SORCS3: variants seen among roughly 807,000 people sequenced by gnomAD.
The protein encoded by SORCS3 is VPS10 domain-containing receptor SorCS3.
A neutral mutation model predicts 146.3 loss-of-function variants in SORCS3; 57 were observed. That is an observed-to-expected ratio of 0.39 (90% CI 0.31 to 0.49). The LOEUF (loss-of-function observed/expected upper bound fraction) is 0.49. Among genes scored for constraint, SORCS3 ranks in the 20% least tolerant of loss-of-function variants. The pLI, the probability that SORCS3 is intolerant of heterozygous loss-of-function variation, is 0.92. For missense variants in SORCS3, 1,341 were observed against 1,575.5 expected (o/e 0.85, Z 2.52); for synonymous variants, 653 against 618.5 (o/e 1.06, Z -0.83).
intron 1 of SORCS3, among the ~76,000 whole-genome samples, chr10:104,680,857 C>T: frequency 6.6e-6 from 1 of 152,214 alleles, no homozygotes; most frequent in Non-Finnish European, 1.5e-5. Context: ...CTGAGAGCTT[C>T]TCTCAAGCAC....
At chr10:104,700,682 A>T (rs1447217802) in intron 1 of SORCS3, among the ~76,000 whole-genome samples, 1 of 152,080 alleles carries the variant, frequency 6.6e-6, no homozygotes, top group Non-Finnish European at 1.5e-5. Flanking sequence ...GGAGGGAGAG[A>T]TCAAAGTGAT....
At chr10:105,020,699 C>A (rs1296987302) in intron 4 of SORCS3, among the ~76,000 whole-genome samples, 1 of 152,176 alleles carries the variant, frequency 6.6e-6, no homozygotes, top group Non-Finnish European at 1.5e-5. Flanking sequence ...CCATGGATCA[C>A]AGTATTGAGA....
chr10:105,031,847 T>C (rs1455047343), intron 4 of SORCS3, among the ~76,000 whole-genome samples: 1 of 152,190 alleles, frequency 6.6e-6, no homozygotes, highest in African/African-American at 2.4e-5. Context: ...CTACAGTTTT[T>C]CCCTGGCGTA....
At chr10:104,758,451 A>C (rs537790312) in intron 1 of SORCS3, among the ~76,000 whole-genome samples, 1 of 152,306 alleles carries the variant, frequency 6.6e-6, no homozygotes, top group Admixed American at 6.5e-5. Context: ...CCCAGTATAA[A>C]GTATGGCACA....
At chr10:104,830,578 C>T (rs919106412) in intron 1 of SORCS3, among the ~76,000 whole-genome samples, 1 of 152,160 alleles carries the variant, frequency 6.6e-6, no homozygotes, top group African/African-American at 2.4e-5. Context: ...AGGGCTGCTT[C>T]TCCCTCCTCC....
At chr10:105,044,670 C>T (rs1327473091) in intron 5 of SORCS3, among the ~76,000 whole-genome samples, 3 of 150,888 alleles carry the variant, frequency 2.0e-5, no homozygotes, top group Non-Finnish European at 4.4e-5. Context: ...CCTAAGCATT[C>T]TATGAAAAAT....
intron 3 of SORCS3, among the ~76,000 whole-genome samples, chr10:104,969,348 C>T (rs1007657424): frequency 8.6e-5 from 13 of 150,390 alleles, no homozygotes; most frequent in Admixed American, 1.3e-4. Context: ...TGTGCGCGCG[C>T]GCGTACAGAG....
chr10:105,217,916 G>A, intron 19 of SORCS3: 1 of 453,982 alleles, frequency 2.2e-6, no homozygotes, highest in Non-Finnish European at 4.4e-6. Context: ...ATATTCGTGG[G>A]TCTAAGGACT....
chr10:105,216,749 G>A (rs1304452021), intron 18 of SORCS3, among the ~76,000 whole-genome samples, 187 bp from the exon 19 acceptor site: 1 of 152,140 alleles, frequency 6.6e-6, no homozygotes, highest in African/African-American at 2.4e-5. Flanking sequence ...AGGACAATAG[G>A]TCCATAGTGC....
chr10:104,724,542 G>A (rs1389825832), intron 1 of SORCS3, among the ~76,000 whole-genome samples: 5 of 152,112 alleles, frequency 3.3e-5, no homozygotes, highest in African/African-American at 1.2e-4. Flanking sequence ...GATTGGGGAA[G>A]TTCTCCTGGA....
At chr10:104,913,434 G>A (rs1299999766) in intron 2 of SORCS3, among the ~76,000 whole-genome samples, 1 of 152,236 alleles carries the variant, frequency 6.6e-6, no homozygotes, top group Non-Finnish European at 1.5e-5. Context: ...CAGAGCTTCT[G>A]TGCCTGCAGT....
chr10:104,770,053 AT>A (rs2017229237), intron 1 of SORCS3, among the ~76,000 whole-genome samples: 1 of 152,100 alleles, frequency 6.6e-6, no homozygotes, highest in Non-Finnish European at 1.5e-5. Context: ...TTTCAAGACA[AT>A]TTCATCAGGA....
intron 1 of SORCS3, among the ~76,000 whole-genome samples, chr10:104,715,411 C>T (rs1189918400): frequency 6.6e-6 from 1 of 152,168 alleles, no homozygotes; most frequent in African/African-American, 2.4e-5. Flanking sequence ...ACCATCAGCT[C>T]CCCTGGTTAT....
rs368195208 is a variant in SORCS3 at position 104,804,202 on chromosome 10, C to T, written c.628-38590C>T. Among the ~76,000 whole-genome samples the T allele has an allele frequency of 2.3e-3, 357 of 152,270 alleles. 2 individuals are homozygous for T. The highest frequency in any genetic ancestry group is 3.9e-3 in the Non-Finnish European group (265 of 68,028). On this transcript the variant is annotated intron_variant, in intron 1 of 26. Transcript: ENST00000369701. The stretch of plus-strand genomic sequence containing the variant: ...CCAGAAGATGAGCATCTCTAGAATG[C>T]GAATTTTGAAGATGAGGAGGCAGGT...
chr10:104,911,662 A>G (rs2018969201), intron 2 of SORCS3, among the ~76,000 whole-genome samples: 2 of 152,342 alleles, frequency 1.3e-5, no homozygotes, highest in East Asian at 1.9e-4. Flanking sequence ...AGATCCCATA[A>G]GGGACCTTAG....
chr10:105,003,642 C>A (rs17118067), intron 4 of SORCS3, among the ~76,000 whole-genome samples: 24,321 of 152,080 alleles, frequency 0.16, 2,175 homozygotes, highest in African/African-American at 0.23. Context: ...CTGTACAAAC[C>A]ACTTTTCATT....
chr10:104,951,542 G>A (rs1012164336), intron 3 of SORCS3, among the ~76,000 whole-genome samples: 6 of 151,854 alleles, frequency 4.0e-5, no homozygotes, highest in Admixed American at 6.6e-5. Flanking sequence ...TGAGGGTCTC[G>A]CTATGTTGCC....
intron 19 of SORCS3, among the ~76,000 whole-genome samples, chr10:105,221,444 G>A (rs2056702028): frequency 1.3e-5 from 2 of 152,036 alleles, no homozygotes; most frequent in South Asian, 2.1e-4. Context: ...TTAATTGTAT[G>A]GTACTTTAAA....
intron 2 of SORCS3, among the ~76,000 whole-genome samples, chr10:104,843,359 T>C (rs1476787732): frequency 6.6e-6 from 1 of 152,266 alleles, no homozygotes; most frequent in East Asian, 1.9e-4. Context: ...CCCCAGGCAA[T>C]TTTGCCTTCA....
Sources: allele counts gnomAD v4.1 joint callset (sites outside exome capture counted in the v4.1 genomes callset), GRCh38; gene constraint gnomAD v4.1.1; transcripts MANE v1.5; gene names NCBI Gene and HGNC (gene_info 2026-07-23, HGNC 2026-07-21).